The following MYRIP variants were observed in gnomAD, a reference collection of about 807,000 sequenced individuals.
MYRIP encodes myosin VIIA and Rab interacting protein.
MYRIP carries 49 observed loss-of-function variants against 98.0 expected under a neutral mutation model. The observed-to-expected ratio is 0.50, with a 90% CI of 0.40 to 0.63. The LOEUF (loss-of-function observed/expected upper bound fraction) is 0.63, where lower values mean the gene tolerates loss of function less well. Among genes scored for constraint, MYRIP ranks in the 30% least tolerant of loss-of-function variants. MYRIP has a pLI of 0.00. For missense variants in MYRIP, 1,004 were observed against 1,058.2 expected (o/e 0.95, Z 0.71); for synonymous variants, 404 against 409.5 (o/e 0.99, Z 0.16).
intron 8 of MYRIP, among the ~76,000 whole-genome samples, chr3:40,171,298 A>G (rs921680775): frequency 6.6e-6 from 1 of 152,104 alleles, no homozygotes; most frequent in Non-Finnish European, 1.5e-5. Context: ...AAGATTGAGA[A>G]TAGAAATGGA....
chr3:40,158,645 G>T (rs1208317606), intron 4 of MYRIP, among the ~76,000 whole-genome samples: 1 of 152,138 alleles, frequency 6.6e-6, no homozygotes, highest in Non-Finnish European at 1.5e-5. Flanking sequence ...CTCTTTGTAG[G>T]TCACTCAGGA....
chr3:39,821,361 G>A (rs1004878397), intron 1 of MYRIP, among the ~76,000 whole-genome samples: 1 of 136,866 alleles, frequency 7.3e-6, no homozygotes, highest in Non-Finnish European at 1.6e-5. Flanking sequence ...TGCCTTCTTT[G>A]CCTTTTGGCC....
intron 7 of MYRIP, among the ~76,000 whole-genome samples, chr3:40,167,945 G>A (rs1272323579): frequency 2.6e-5 from 4 of 152,176 alleles, no homozygotes; most frequent in African/African-American, 9.7e-5. Context: ...ATCGATGTAT[G>A]CACCAACAAG....
chr3:40,111,196 G>T (rs1949151080), intron 3 of MYRIP, among the ~76,000 whole-genome samples: 1 of 152,138 alleles, frequency 6.6e-6, no homozygotes, highest in Non-Finnish European at 1.5e-5. Flanking sequence ...GCTCAGGATG[G>T]TTCACAAGAA....
At chr3:39,829,258 T>C (rs1291868735) in intron 1 of MYRIP, among the ~76,000 whole-genome samples, 1 of 152,218 alleles carries the variant, frequency 6.6e-6, no homozygotes, top group Non-Finnish European at 1.5e-5. Flanking sequence ...TGTAGAATTA[T>C]TGTGTTTCTT....
At position 40,114,538 on chromosome 3, in the gene MYRIP, C is replaced by T. The variant is rs147760165; in HGVS notation, c.333-36510C>T. Among the ~76,000 whole-genome samples the T allele has an allele frequency of 5.3e-3, 805 of 152,286 alleles. 27 individuals are homozygous for T. The highest frequency in any genetic ancestry group is 0.031 in the Admixed American group (471 of 15,292). On this transcript the variant is annotated intron_variant, in intron 3 of 16. Transcript: ENST00000302541. ...TTACAATCTTACAAATATGGGCTAG[C>T]ATGTTTGTCACAACAAAGTACTAGT...
chr3:40,146,854 G>A (rs1472515030), intron 3 of MYRIP, among the ~76,000 whole-genome samples: 1 of 152,154 alleles, frequency 6.6e-6, no homozygotes, highest in Non-Finnish European at 1.5e-5. Flanking sequence ...CACCTTGCAT[G>A]GAAGTCTGAA....
intron 1 of MYRIP, among the ~76,000 whole-genome samples, chr3:39,884,981 A>C (rs1943253303): frequency 7.7e-6 from 1 of 129,914 alleles, no homozygotes; most frequent in Non-Finnish European, 1.5e-5. Context: ...TGCCCTCTAT[A>C]GAGGTGGTAT....
At chr3:39,837,684 G>T (rs962340681) in intron 1 of MYRIP, among the ~76,000 whole-genome samples, 1 of 152,178 alleles carries the variant, frequency 6.6e-6, no homozygotes, top group African/African-American at 2.4e-5. Context: ...GCTTAGGATT[G>T]TCTTGGCTAT....
intron 3 of MYRIP, among the ~76,000 whole-genome samples, chr3:40,084,887 C>T (rs1277672691): frequency 3.0e-5 from 3 of 99,078 alleles, no homozygotes; most frequent in African/African-American, 7.6e-5. Context: ...TGTTACATGT[C>T]GATAGATAAT....
At chr3:39,823,193 T>C (rs1453801614) in intron 1 of MYRIP, among the ~76,000 whole-genome samples, 7 of 152,088 alleles carry the variant, frequency 4.6e-5, no homozygotes, top group Admixed American at 3.9e-4. Flanking sequence ...CAAATTTTTG[T>C]ATTCTTAGTC....
At chr3:40,054,250 T>C (rs898284110) in intron 3 of MYRIP, among the ~76,000 whole-genome samples, 10 of 152,158 alleles carry the variant, frequency 6.6e-5, no homozygotes, top group Non-Finnish European at 8.8e-5. Flanking sequence ...TTTAATAGGA[T>C]TTAAAAGAGG....
intron 3 of MYRIP, among the ~76,000 whole-genome samples, chr3:40,108,705 A>G (rs1435578867): frequency 6.6e-6 from 1 of 152,236 alleles, no homozygotes; most frequent in Non-Finnish European, 1.5e-5. Flanking sequence ...GCAATTTCAG[A>G]GGAATGAACA....
chr3:39,875,858 C>T (rs1250733368), intron 1 of MYRIP, among the ~76,000 whole-genome samples: 2 of 151,898 alleles, frequency 1.3e-5, no homozygotes, highest in Non-Finnish European at 2.9e-5. Context: ...CTATTAGGTG[C>T]ACTTGGTGCA....
intron 12 of MYRIP, among the ~76,000 whole-genome samples, chr3:40,241,912 G>A (rs1327615688): frequency 6.6e-6 from 1 of 152,122 alleles, no homozygotes; most frequent in African/African-American, 2.4e-5. Context: ...GTTATTTCAA[G>A]CCAGCCACAG....
chr3:39,889,293 C>T (rs370645763), intron 1 of MYRIP, among the ~76,000 whole-genome samples: 3,654 of 152,052 alleles, frequency 0.024, 48 homozygotes, highest in African/African-American at 0.036. Context: ...TGTCCAACAA[C>T]GATAGACTGG....
chr3:40,050,890 A>T (rs1947781895), intron 3 of MYRIP, among the ~76,000 whole-genome samples: 1 of 152,154 alleles, frequency 6.6e-6, no homozygotes, highest in Non-Finnish European at 1.5e-5. Flanking sequence ...ATAGCAAGAG[A>T]ACTAGAATTA....
At chr3:40,085,769 G>A (rs547584250) in intron 3 of MYRIP, among the ~76,000 whole-genome samples, 48 of 152,226 alleles carry the variant, frequency 3.2e-4, no homozygotes, top group African/African-American at 1.0e-3. Flanking sequence ...CAGCAGCAAT[G>A]GAAGAGTAAA....
intron 1 of MYRIP, among the ~76,000 whole-genome samples, chr3:39,870,103 A>AGG (rs536047896): frequency 0.013 from 1,981 of 152,288 alleles, 21 homozygotes; most frequent in Non-Finnish European, 0.021. Flanking sequence ...ATCCAGGGCA[A>AGG]GGGCAAGGGC....
Sources: gnomAD v4.1 joint callset for allele counts (sites outside exome capture counted in the v4.1 genomes callset) on GRCh38, gnomAD v4.1.1 for gene constraint, MANE v1.5 for transcripts, NCBI Gene and HGNC (gene_info 2026-07-23, HGNC 2026-07-21) for gene names.